MTSS2: variants seen among roughly 807,000 people sequenced by gnomAD.
The protein encoded by MTSS2 is MTSS I-BAR domain containing 2, also known as protein MTSS 2.
Under a neutral mutation model 67.1 loss-of-function variants are expected in MTSS2, and 27 were observed. That is an observed-to-expected ratio of 0.40 (90% CI 0.30 to 0.55). The LOEUF (loss-of-function observed/expected upper bound fraction) is 0.55, where lower values mean the gene tolerates loss of function less well. MTSS2 is among the 20% of genes least tolerant of loss of function. The probability of loss-of-function intolerance (pLI) is 0.43; values close to 1 mark genes in which losing one functional copy is unlikely to be tolerated. For missense variants in MTSS2, 1,171 were observed against 1,067.8 expected, an observed-to-expected ratio of 1.10 and a Z score of -1.35; for synonymous variants, 624 against 468.6, an observed-to-expected ratio of 1.33 and a Z score of -4.28.
chr16:70,669,644 C>T (rs1403002724), intron 11 of MTSS2, among the ~76,000 whole-genome samples: 2 of 151,904 alleles, frequency 1.3e-5, no homozygotes, highest in South Asian at 2.1e-4. Flanking sequence ...GGTGAAACCC[C>T]GTCTCTACTA....
chr16:70,668,286 G>A (rs1294340139), intron 11 of MTSS2, among the ~76,000 whole-genome samples: 1 of 151,654 alleles, frequency 6.6e-6, no homozygotes, highest in Non-Finnish European at 1.5e-5. Context: ...TGGTGCACAT[G>A]TAATCCCAGC....
At chr16:70,681,056 T>G (rs2053290599) in intron 1 of MTSS2, 31 bp from the exon 2 acceptor site, 1 of 1,591,134 alleles carries the variant, frequency 6.3e-7, no homozygotes, top group Non-Finnish European at 8.5e-7. Context: ...AAAGTGAGCT[T>G]CTTGTGGGGT....
At chr16:70,674,239 G>T in intron 11 of MTSS2, 67 bp downstream of exon 11, 2 of 1,456,684 alleles carry the variant, frequency 1.4e-6, no homozygotes, top group Admixed American at 1.9e-5. Context: ...TCCCGCATGT[G>T]GCTTGCCTGA....
In MTSS2 at chr16:70,661,230, T is replaced by C. The variant is rs2151893927; in HGVS notation, c.*2447A>G. 1 of 455,466 alleles carries C rather than the reference T, an allele frequency of 2.2e-6. No homozygotes were observed. The highest frequency in any genetic ancestry group is 1.6e-5 in the South Asian group (1 of 64,400). The allele number at this position is 455,466 out of a possible 1,614,324, so 28.2% of individuals were successfully genotyped here. ...GTTAATTACAGTACACCTTTATTAATACTGGAATCTTCACAGTGCATCTGT... is the reference window on the plus strand; with the variant it reads ...GTTAATTACAGTACACCTTTATTAACACTGGAATCTTCACAGTGCATCTGT... On this transcript the variant is annotated 3_prime_UTR_variant, in exon 15 of 15. Coordinates refer to ENST00000338779, the MANE Select transcript of MTSS2 (RefSeq NM_138383.3).
At position 70,665,499 on chromosome 16, in the gene MTSS2, G is replaced by C. The variant is rs1321654668; in HGVS notation, c.1095C>G (p.Cys365Trp). 6.4e-7 allele frequency: 1 copy of C among 1,551,778 alleles called. No homozygotes were observed. The highest frequency in any genetic ancestry group is 8.7e-7 in the Non-Finnish European group (1 of 1,148,878). ...GGGAGCTGCACTCGCTAACGGACTG[G>C]CAGGTTTCCGAGGCCTCGGAAGATG... Reference protein sequence around the residue: ...SSASSEASETCQSVSECSSPT... With the variant: ...SSASSEASETWQSVSECSSPT... The change falls in exon 12 of 15, where the codon TGC becomes TGG. Residue 365 changes from cysteine to tryptophan, a missense_variant. This residue lies in a region of MTSS2 where 924 missense variants were observed against 756.0 expected (regional missense o/e 1.22). Transcript: ENST00000338779.
rs1193372658 is a variant in MTSS2, at chr16:70,663,667, G to C, written c.*10C>G. Reference sequence around the variant, plus strand: ...CACTGGGGCCTGAGAGGATGGGGAGGGTGGCGCCATCATAAGATGCGGGGC... The same window carrying C: ...CACTGGGGCCTGAGAGGATGGGGAGCGTGGCGCCATCATAAGATGCGGGGC... On this transcript the variant is annotated 3_prime_UTR_variant, in exon 15 of 15. Transcript: ENST00000338779. 3.2e-6 allele frequency: 5 copies of C among 1,564,984 alleles called. No homozygotes were observed. In the Admixed American group the frequency reaches 9.3e-5, roughly 29 times the overall value.
rs1468197097 is a variant in MTSS2 at position 70,664,662 on chromosome 16, G to A, written c.1407C>T (p.Tyr469=). 5.0e-6 allele frequency: 8 copies of A among 1,613,360 alleles called. No individual in the cohort carries two copies. The South Asian group carries it at 5.5e-5, about 11-fold the overall frequency. The change falls in exon 14 of 15, where the codon TAC becomes TAT. Residue 469 remains tyrosine (Y), a synonymous_variant. Coordinates refer to ENST00000338779, the MANE Select transcript of MTSS2 (RefSeq NM_138383.3). The part of the protein sequence containing the change: ...HQKSSRDSLQ[Y]SSGYSTQTTT... ...TGGTCTGCGTGCTGTAGCCGCTGGA[G>A]TACTGCAGCGAGTCCCGGCTGCTCT...
chr16:70,679,387 C>A, intron 6 of MTSS2, 64 bp from the exon 7 acceptor site: 8 of 1,597,002 alleles, frequency 5.0e-6, no homozygotes, highest in Admixed American at 1.7e-5. Context: ...TGAAAGACGC[C>A]GGATGGACAG....
At chr16:70,674,213 TCAACAGCTATAGTAGTC>T in intron 11 of MTSS2, 76 bp downstream of exon 11, 3 of 741,566 alleles carry the variant, frequency 4.0e-6, no homozygotes, top group Non-Finnish European at 6.0e-6. Flanking sequence ...TATAGTAGTC[TCAACAGCTATAGTAGTC>T]CCGCATGTGG....
chr16:70,666,430 C>G (rs965983077), intron 11 of MTSS2, among the ~76,000 whole-genome samples: 4 of 152,238 alleles, frequency 2.6e-5, no homozygotes, highest in Admixed American at 2.6e-4. Context: ...AGGGTAGACA[C>G]AGGCCCATGA....
Position 70,663,511 on chromosome 16 carries a change from T to C in MTSS2, c.*166A>G, listed in dbSNP as rs78335918. On this transcript the variant is annotated 3_prime_UTR_variant, in exon 15 of 15. Transcript: ENST00000338779. The stretch of plus-strand genomic sequence containing the variant: ...CCAGGCTTGCTAAGAAGTCACTTCC[T>C]GTTTAAATGCTGGAATCCAAGTGAG... 3.1e-6 allele frequency: 4 copies of C among 1,304,550 alleles called. No individual in the cohort carries two copies. The highest frequency in any genetic ancestry group is 3.1e-5 in the Admixed American group (1 of 31,902). 80.8% of individuals were successfully genotyped at this position (1,304,550 alleles called of 1,614,324 possible). A position where few individuals can be genotyped will look rare whatever the true frequency, so the allele number is the denominator to read the frequency against.
At chr16:70,664,529 A>T in intron 14 of MTSS2, 69 bp downstream of exon 14, 1 of 1,575,294 alleles carries the variant, frequency 6.3e-7, no homozygotes, top group Non-Finnish European at 8.6e-7. Flanking sequence ...ACAGAGGGGG[A>T]AGGACGGGGC....
At chr16:70,681,494 G>A (rs1301667751) in intron 1 of MTSS2, among the ~76,000 whole-genome samples, 1 of 152,236 alleles carries the variant, frequency 6.6e-6, no homozygotes, top group African/African-American at 2.4e-5. Flanking sequence ...TGGCAGGGCT[G>A]AAGGCACACC....
intron 10 of MTSS2, among the ~76,000 whole-genome samples, chr16:70,676,404 C>A (rs1055469550): frequency 6.6e-6 from 1 of 152,228 alleles, no homozygotes; most frequent in Admixed American, 6.5e-5. Context: ...TGTCCTATAC[C>A]TTATGGCCCC....
intron 10 of MTSS2, among the ~76,000 whole-genome samples, chr16:70,675,977 C>T (rs910717010): frequency 1.3e-5 from 2 of 152,258 alleles, no homozygotes; most frequent in African/African-American, 2.4e-5. Context: ...TCTGCCCCTG[C>T]TCATGGCTGT....
At chr16:70,680,508 G>T (rs2053269786) in intron 3 of MTSS2, among the ~76,000 whole-genome samples, 1 of 152,178 alleles carries the variant, frequency 6.6e-6, no homozygotes, top group South Asian at 2.1e-4. Flanking sequence ...GCATGAGTGG[G>T]AAGAAGCCCT....
Position 70,666,467 on chromosome 16 carries a change from G to A in MTSS2, c.1054-927C>T, listed in dbSNP as rs564030492. 5.3e-4 allele frequency among the ~76,000 whole-genome samples: 81 copies of A among 152,354 alleles called. No homozygotes were observed. In the South Asian group the frequency reaches 9.1e-3, roughly 17 times the overall value. On this transcript the variant is annotated intron_variant, in intron 11 of 14. Coordinates refer to ENST00000338779, the MANE Select transcript of MTSS2 (RefSeq NM_138383.3). ...ATCCTGAGCATGTGTGACCGGCAGG[G>A]TTCCCTGGGGCAGACGCCAGCTTCA...
Position 70,665,009 on chromosome 16 carries a change from CTG to C in MTSS2, c.1214_1215del (p.Thr405ArgfsTer33). 6.3e-7 allele frequency: 1 copy of C among 1,594,882 alleles called. No homozygotes were observed. The highest frequency in any genetic ancestry group is 8.5e-7 in the Non-Finnish European group (1 of 1,178,598). ...GTGCCCCCACTGGCAGGGCCTGGCT[CTG>C]TGTCTCGCAGGAGCTCCACTCGGTC... ...RKDRVELLRD[T>X]EPGPASGGTL... On this transcript the variant is annotated frameshift_variant, in exon 13 of 15. Transcript: ENST00000338779. LOFTEE classifies it high-confidence loss of function.
chr16:70,677,654 G>A, intron 9 of MTSS2, 138 bp downstream of exon 9: 1 of 660,476 alleles, frequency 1.5e-6, no homozygotes, highest in East Asian at 2.8e-5. Flanking sequence ...TGCAGTGGGT[G>A]TCAGAAGGGG....
Sources: gnomAD v4.1 joint callset for allele counts (sites outside exome capture counted in the v4.1 genomes callset) on GRCh38, gnomAD v4.1.1 for gene constraint, gnomAD v4.1.1 regional missense constraint, MANE v1.5 for transcripts, NCBI Gene and HGNC (gene_info 2026-07-23, HGNC 2026-07-21) for gene names.